Variants in GRIA1 observed in about 807,000 individuals in gnomAD.
The protein encoded by GRIA1 is glutamate ionotropic receptor AMPA type subunit 1.
In GRIA1, 31 loss-of-function variants were observed where a neutral mutation model predicts 99.2. That is an observed-to-expected ratio of 0.31 (90% CI 0.23 to 0.42). The LOEUF (loss-of-function observed/expected upper bound fraction) is 0.42, where lower values mean the gene tolerates loss of function less well. Ranked by LOEUF, GRIA1 falls within the 10% of genes least tolerant of loss-of-function variation. GRIA1 has a pLI of 1.00. For missense variants in GRIA1, 782 were observed against 1,157.5 expected (o/e 0.68, Z 4.71); for synonymous variants, 438 against 432.4 (o/e 1.01, Z -0.16).
chr5:153,537,368 C>T (rs1417180436), intron 2 of GRIA1, among the ~76,000 whole-genome samples: 1 of 152,174 alleles, frequency 6.6e-6, no homozygotes, highest in Non-Finnish European at 1.5e-5. Flanking sequence ...ACCTGCCTAG[C>T]GAAGGGCCCC....
chr5:153,743,895 A>G (rs6889794), intron 11 of GRIA1, among the ~76,000 whole-genome samples: 90,015 of 152,038 alleles, frequency 0.59, 27,374 homozygotes, highest in East Asian at 0.94. Context: ...TCTCATGCTC[A>G]TTGGACATAT....
intron 2 of GRIA1, among the ~76,000 whole-genome samples, chr5:153,599,538 A>T (rs1360945331): frequency 6.6e-6 from 1 of 152,200 alleles, no homozygotes; most frequent in African/African-American, 2.4e-5. Flanking sequence ...ACTTTAAATC[A>T]TCTCTATATT....
intron 2 of GRIA1, among the ~76,000 whole-genome samples, chr5:153,602,281 C>CA (rs1368040530): frequency 2.0e-5 from 3 of 147,368 alleles, no homozygotes; most frequent in Non-Finnish European, 4.5e-5. Context: ...ATCACAAGGA[C>CA]AAAAAACCAA....
At chr5:153,597,096 C>T (rs1477976662) in intron 2 of GRIA1, among the ~76,000 whole-genome samples, 1 of 152,178 alleles carries the variant, frequency 6.6e-6, no homozygotes, top group Admixed American at 6.5e-5. Flanking sequence ...TCTTTAAGGT[C>T]CTTTGAAGGG....
intron 10 of GRIA1, 46 bp downstream of exon 10, chr5:153,699,119 T>C: frequency 7.3e-7 from 1 of 1,374,168 alleles, no homozygotes; most frequent in East Asian, 2.3e-5. Context: ...AGGCAGAGGG[T>C]TTGACAGGAA....
chr5:153,654,866 C>G (rs933201835), intron 4 of GRIA1, among the ~76,000 whole-genome samples: 3 of 152,118 alleles, frequency 2.0e-5, no homozygotes, highest in Non-Finnish European at 4.4e-5. Context: ...GCAGGCTGAG[C>G]TAGATCTAAA....
chr5:153,559,266 T>C (rs1760916322), intron 2 of GRIA1, among the ~76,000 whole-genome samples: 2 of 152,296 alleles, frequency 1.3e-5, no homozygotes, highest in Admixed American at 6.5e-5. Context: ...GTACAGTACG[T>C]GAGGCTTTCT....
chr5:153,739,189 T>C (rs1254702983), intron 11 of GRIA1, among the ~76,000 whole-genome samples: 1 of 152,022 alleles, frequency 6.6e-6, no homozygotes, highest in Non-Finnish European at 1.5e-5. Flanking sequence ...GCTTCATTCC[T>C]CACTGCCCTG....
chr5:153,763,084 C>A (rs921337053), intron 11 of GRIA1, among the ~76,000 whole-genome samples: 1 of 152,188 alleles, frequency 6.6e-6, no homozygotes, highest in Non-Finnish European at 1.5e-5. Context: ...CCGTGTGAAA[C>A]GCCTAGGAGC....
intron 5 of GRIA1, among the ~76,000 whole-genome samples, chr5:153,658,994 A>T (rs1262941190): frequency 4.9e-5 from 6 of 122,324 alleles, no homozygotes; most frequent in Non-Finnish European, 1.9e-5. Flanking sequence ...AAAAACAAAC[A>T]AACAAAAAAA....
At chr5:153,629,023 T>A (rs1004332106) in intron 2 of GRIA1, among the ~76,000 whole-genome samples, 8 of 152,160 alleles carry the variant, frequency 5.3e-5, no homozygotes, top group African/African-American at 1.9e-4. Flanking sequence ...AATGAGAACC[T>A]CCAGCCCAGG....
Position 153,802,427 on chromosome 5 carries a change from A to G in GRIA1, c.2457A>G (p.Leu819=), listed in dbSNP as rs372603104. The change falls in exon 15 of 16, where the codon CTA becomes CTG. Residue 819 remains leucine, a synonymous_variant. Coordinates refer to ENST00000285900, the MANE Select transcript of GRIA1 (RefSeq NM_000827.4). The part of the protein sequence containing the change: ...VFYILIGGLG[L]AMLVALIEFC... ...ACATCCTGATCGGAGGACTTGGACT[A>G]GCCATGCTGGTTGCCTTAATCGAGT... is the stretch of plus-strand genomic sequence containing the variant. The G allele has an allele frequency of 6.8e-6, 11 of 1,613,798 alleles. No homozygotes were observed. Among genetic ancestry groups the G allele is most frequent in the Non-Finnish European group, 9.3e-6 (11 of 1,179,776 alleles).
At chr5:153,809,069 TG>T (rs1766632366) in intron 15 of GRIA1, among the ~76,000 whole-genome samples, 1 of 152,348 alleles carries the variant, frequency 6.6e-6, no homozygotes, top group South Asian at 2.1e-4. Context: ...TAAACTTTAG[TG>T]GTCTTTTTTC....
intron 2 of GRIA1, among the ~76,000 whole-genome samples, chr5:153,505,735 G>A (rs1313157162): frequency 6.6e-6 from 1 of 152,170 alleles, no homozygotes; most frequent in African/African-American, 2.4e-5. Context: ...ACATAGTCCT[G>A]GTCTCCATGG....
chr5:153,622,090 G>A (rs766053628), intron 2 of GRIA1, among the ~76,000 whole-genome samples: 14 of 152,116 alleles, frequency 9.2e-5, no homozygotes, highest in East Asian at 1.9e-4. Context: ...CACCAGCAGC[G>A]TGAGCATCTT....
At chr5:153,575,521 C>T (rs1762456100) in intron 2 of GRIA1, among the ~76,000 whole-genome samples, 1 of 152,184 alleles carries the variant, frequency 6.6e-6, no homozygotes, top group South Asian at 2.1e-4. Context: ...AATCATTGAA[C>T]TTCATTGGCA....
rs1760835883 is a variant in GRIA1, at chr5:153,729,343, C to T, written c.1823+23276C>T. On this transcript the variant is annotated intron_variant, in intron 11 of 15. Coordinates refer to ENST00000285900, the MANE Select transcript of GRIA1 (RefSeq NM_000827.4). ...GGCACATGTATACATATGTAACTAA[C>T]CTGCACATTGTGCACATGTACCCTA... Among the ~76,000 whole-genome samples the T allele has an allele frequency of 2.6e-5, 4 of 151,680 alleles. No individual in the cohort carries two copies. In the South Asian group the frequency reaches 8.4e-4, roughly 32 times the overall value.
chr5:153,782,586 C>T (rs1011661335), intron 13 of GRIA1, among the ~76,000 whole-genome samples: 20 of 152,002 alleles, frequency 1.3e-4, no homozygotes, highest in Admixed American at 5.9e-4. Context: ...TAACAACTAA[C>T]GCTAATACAA....
upstream of GRIA1, among the ~76,000 whole-genome samples, chr5:153,490,104 G>T (rs1389328210): frequency 6.6e-6 from 1 of 150,790 alleles, no homozygotes; most frequent in East Asian, 1.9e-4. Flanking sequence ...AAATTTCCTA[G>T]GAGGGATTTC....
Sources: gnomAD v4.1 joint callset for allele counts (sites outside exome capture counted in the v4.1 genomes callset) on GRCh38, gnomAD v4.1.1 for gene constraint, MANE v1.5 for transcripts, NCBI Gene and HGNC (gene_info 2026-07-23, HGNC 2026-07-21) for gene names.